Variants in GAB2 observed in about 807,000 individuals in gnomAD.
GAB2 encodes the protein GRB2-associated-binding protein 2.
A neutral mutation model predicts 65.5 loss-of-function variants in GAB2; 26 were observed. The observed-to-expected ratio is 0.40, with a 90% CI of 0.29 to 0.55. GAB2 has a LOEUF of 0.55. Ranked by LOEUF, GAB2 falls within the 20% of genes least tolerant of loss-of-function variation. GAB2 has a pLI of 0.53. For synonymous variants in GAB2, 321 were observed against 329.6 expected (o/e 0.97, Z 0.28); for missense variants, 884 against 875.8 (o/e 1.01, Z -0.12).
intron 2 of GAB2, among the ~76,000 whole-genome samples, chr11:78,266,306 G>A (rs565690167): frequency 1.2e-3 from 180 of 149,526 alleles, no homozygotes; most frequent in African/African-American, 4.1e-3. Flanking sequence ...GGAATAAGAC[G>A]CGTCCTTACC....
At chr11:78,381,849 T>C (rs1297153048) in intron 1 of GAB2, among the ~76,000 whole-genome samples, 2 of 152,324 alleles carry the variant, frequency 1.3e-5, no homozygotes, top group East Asian at 3.9e-4. Flanking sequence ...GGTGGCTGTA[T>C]CACATATGTG....
intron 3 of GAB2, among the ~76,000 whole-genome samples, chr11:78,229,364 C>G (rs1461551266): frequency 6.6e-6 from 1 of 152,170 alleles, no homozygotes; most frequent in African/African-American, 2.4e-5. Context: ...AGAGAAGACA[C>G]TGGAGGCCAG....
At chr11:78,399,350 T>C (rs1200758585) in intron 1 of GAB2, among the ~76,000 whole-genome samples, 1 of 152,184 alleles carries the variant, frequency 6.6e-6, no homozygotes, top group Non-Finnish European at 1.5e-5. Context: ...CTTTGGAGGA[T>C]CCTGCAGGGT....
intron 2 of GAB2, among the ~76,000 whole-genome samples, chr11:78,273,461 C>T (rs557157034): frequency 2.6e-5 from 4 of 152,352 alleles, no homozygotes; most frequent in African/African-American, 9.6e-5. Context: ...TTTGGACTTG[C>T]ATGGGGCCTG....
intron 4 of GAB2, among the ~76,000 whole-genome samples, chr11:78,225,884 G>T (rs374984871): frequency 1.3e-5 from 2 of 152,332 alleles, no homozygotes; most frequent in South Asian, 2.1e-4. Flanking sequence ...GATGCAAAAT[G>T]AAAGGAATTA....
chr11:78,409,360 G>A (rs546683820), intron 1 of GAB2, among the ~76,000 whole-genome samples: 12 of 152,126 alleles, frequency 7.9e-5, no homozygotes, highest in South Asian at 6.2e-4. Flanking sequence ...CGAGGCAGGC[G>A]GATGACCTGA....
chr11:78,385,197 G>T, intron 1 of GAB2, among the ~76,000 whole-genome samples: 1 of 152,196 alleles, frequency 6.6e-6, no homozygotes, highest in East Asian at 1.9e-4. Flanking sequence ...TATAGAAATG[G>T]CATCAAGCTT....
chr11:78,253,405 C>T (rs569704172), intron 2 of GAB2, among the ~76,000 whole-genome samples: 12 of 152,232 alleles, frequency 7.9e-5, no homozygotes, highest in African/African-American at 2.6e-4. Flanking sequence ...AATCTTCCTG[C>T]CTTAGCCTCC....
rs57040625 is a variant in GAB2 at position 78,249,848 on chromosome 11, G to GT, written c.620+308dup. Among the ~76,000 whole-genome samples the GT allele has an allele frequency of 3.1e-4, 46 of 150,370 alleles. 1 individual carries two copies. The South Asian group carries it at 6.2e-3, about 20-fold the overall frequency. Reference sequence around the variant, plus strand: ...ACTTTTAAGCCCAAGTAAATTGACTGTTTTTTTTTGCAATTCGGAAACTGT... The same window carrying GT: ...ACTTTTAAGCCCAAGTAAATTGACTGTTTTTTTTTTGCAATTCGGAAACTGT... On this transcript the variant is annotated intron_variant, in intron 3 of 9. Transcript: ENST00000361507.
intron 1 of GAB2, among the ~76,000 whole-genome samples, chr11:78,406,885 T>TA (rs1472814811): frequency 4.0e-5 from 6 of 151,650 alleles, no homozygotes; most frequent in South Asian, 4.2e-4. Flanking sequence ...AAAGTCTCAG[T>TA]AAAAAAATAG....
chr11:78,250,360 G>A lies in GAB2; in HGVS notation c.417C>T (p.Arg139=). ...RNVSSAGHGP[R]SSPAELSSSS... ...AGCTGCTGAGCTCAGCTGGAGAAGA[G>A]CGGGGGCCATGACCGGCTGAGGAAA... Residue 139 remains arginine (R), a synonymous_variant, in exon 3 of 10, where the codon CGC becomes CGT. Coordinates refer to ENST00000361507, the MANE Select transcript of GAB2 (RefSeq NM_080491.3). The A allele has an allele frequency of 1.2e-6, 2 of 1,613,346 alleles. No homozygotes were observed. The highest frequency in any genetic ancestry group is 1.7e-6 in the Non-Finnish European group (2 of 1,179,522).
At chr11:78,400,474 A>G (rs1856954767) in intron 1 of GAB2, among the ~76,000 whole-genome samples, 1 of 152,226 alleles carries the variant, frequency 6.6e-6, no homozygotes, top group Admixed American at 6.5e-5. Flanking sequence ...TATGCTCTAT[A>G]AACACCTGTC....
Position 78,280,801 on chromosome 11 carries a change from C to T in GAB2, c.176G>A (p.Arg59Gln), listed in dbSNP as rs747986650. 13 of 1,614,108 alleles carry T rather than the reference C, an allele frequency of 8.1e-6. No individual in the cohort carries two copies. The highest frequency in any genetic ancestry group is 4.5e-5 in the East Asian group (2 of 44,892). Reference protein sequence around the residue: ...YKNDHSKKPLRIINLNFCEQV... With the variant: ...YKNDHSKKPLQIINLNFCEQV... ...CTCACAGAAGTTCAGGTTGATGATC[C>T]GCAGAGGCTTCTTGGAGTGATCGTT... The change falls in exon 2 of 10, where the codon CGG becomes CAG. Residue 59 changes from arginine (R) to glutamine (Q), a missense_variant. Transcript: ENST00000361507.
rs1866492150 is a variant in GAB2, at chr11:78,286,616, T to C, written c.76-5715A>G. 4.1e-5 allele frequency among the ~76,000 whole-genome samples: 6 copies of C among 146,324 alleles called. No individual in the cohort carries two copies. In the South Asian group the frequency reaches 1.3e-3, roughly 33 times the overall value. ...TTCATTCCATGAATATGTTAATTTG[T>C]TCAAATTAATAAAACTTATACGTAA... On this transcript the variant is annotated intron_variant, in intron 1 of 9. Transcript: ENST00000361507.
intron 2 of GAB2, among the ~76,000 whole-genome samples, chr11:78,258,892 T>G (rs943380590): frequency 6.6e-6 from 1 of 152,204 alleles, no homozygotes; most frequent in Admixed American, 6.5e-5. Context: ...AACTTTTAGG[T>G]TCAGGGGTAC....
At chr11:78,357,735 C>T (rs1269629308) in intron 1 of GAB2, among the ~76,000 whole-genome samples, 2 of 152,124 alleles carry the variant, frequency 1.3e-5, no homozygotes, top group Non-Finnish European at 1.5e-5. Context: ...CAAATCAAAA[C>T]CACAATGAGA....
chr11:78,238,202 G>GAA (rs1865034333), intron 3 of GAB2, among the ~76,000 whole-genome samples: 1 of 21,350 alleles, frequency 4.7e-5, no homozygotes, highest in African/African-American at 1.4e-4. Flanking sequence ...GTTGAGGGAA[G>GAA]AAACAAAAAA....
At chr11:78,416,027 C>T (rs1398842543) in intron 1 of GAB2, among the ~76,000 whole-genome samples, 1 of 148,878 alleles carries the variant, frequency 6.7e-6, no homozygotes, top group Non-Finnish European at 1.5e-5. Flanking sequence ...GGAAGCTCTT[C>T]GGGACAAAGT....
intron 1 of GAB2, among the ~76,000 whole-genome samples, chr11:78,373,677 T>C (rs1008256688): frequency 6.6e-6 from 1 of 152,220 alleles, no homozygotes; most frequent in Non-Finnish European, 1.5e-5. Flanking sequence ...AATACTTAAG[T>C]AATACATGTA....
Sources: gnomAD v4.1 joint callset for allele counts (sites outside exome capture counted in the v4.1 genomes callset) on GRCh38, gnomAD v4.1.1 for gene constraint, MANE v1.5 for transcripts, NCBI Gene and HGNC (gene_info 2026-07-23, HGNC 2026-07-21) for gene names.